CLNK: variants seen among roughly 807,000 people sequenced by gnomAD.
The protein encoded by CLNK is cytokine-dependent hematopoietic cell linker.
Under a neutral mutation model 68.6 loss-of-function variants are expected in CLNK, and 74 were observed. That is an observed-to-expected ratio of 1.08 (90% CI 0.89 to 1.31). The LOEUF is 1.31. Ranked by LOEUF, CLNK falls within the 50% of genes most tolerant of loss-of-function variation. The pLI is 0.00. For synonymous variants in CLNK, 198 were observed against 172.2 expected, an observed-to-expected ratio of 1.15 and a Z score of -1.17; for missense variants, 553 against 515.3, an observed-to-expected ratio of 1.07 and a Z score of -0.71.
the CLNK span, among the ~76,000 whole-genome samples, chr4:10,690,150 G>A: frequency 6.6e-6 from 1 of 152,194 alleles, no homozygotes; most frequent in Non-Finnish European, 1.5e-5. Flanking sequence ...AATAAACACG[G>A]TTGGCATTCA....
intron 2 of CLNK, among the ~76,000 whole-genome samples, chr4:10,642,234 C>T (rs1260108549): frequency 1.3e-5 from 2 of 152,208 alleles, no homozygotes; most frequent in East Asian, 3.8e-4. Context: ...CTTACTTCAT[C>T]TCCAGTTCCA....
rs1716467232 is a variant in CLNK at position 10,489,338 on chromosome 4, A to T, written c.*1129T>A. The T allele has an allele frequency of 6.6e-6, 1 of 152,212 alleles. No homozygotes were observed. The highest frequency in any genetic ancestry group is 1.5e-5 in the Non-Finnish European group (1 of 68,036). 9.4% of individuals were successfully genotyped at this position (152,212 alleles called of 1,614,324 possible). ...CAAGAATTAGCACTAATTTGAGGAC[A>T]GTTTTTCTCTGTCTTTGAATGGAAG... On this transcript the variant is annotated 3_prime_UTR_variant, in exon 19 of 19. Coordinates refer to ENST00000226951, the MANE Select transcript of CLNK (RefSeq NM_052964.4).
At chr4:10,526,623 C>T (rs148387402) in intron 13 of CLNK, among the ~76,000 whole-genome samples, 82 of 152,258 alleles carry the variant, frequency 5.4e-4, no homozygotes, top group East Asian at 3.9e-3. Context: ...TGTATTCTCA[C>T]GCCCTCTTGT....
At chr4:10,538,055 G>T (rs1313919553) in intron 11 of CLNK, among the ~76,000 whole-genome samples, 2 of 152,024 alleles carry the variant, frequency 1.3e-5, no homozygotes, top group Admixed American at 6.5e-5. Context: ...GAAACAGAAA[G>T]AAGATAAAAT....
At chr4:10,531,778 G>A in intron 12 of CLNK, 1 of 457,032 alleles carries the variant, frequency 2.2e-6, no homozygotes, top group Non-Finnish European at 4.4e-6. Context: ...CAGAAACTGG[G>A]ATGAGTAAGA....
chr4:10,626,433 T>A (rs1371213600), intron 2 of CLNK, among the ~76,000 whole-genome samples: 2 of 152,218 alleles, frequency 1.3e-5, no homozygotes, highest in Non-Finnish European at 2.9e-5. Flanking sequence ...ATTCTTTCTT[T>A]CCTGTAAGAC....
At position 10,490,394 on chromosome 4, in the gene CLNK, A is replaced by G; in HGVS notation, c.*73T>C. 1 of 1,516,776 alleles carries G rather than the reference A, an allele frequency of 6.6e-7. No homozygotes were observed. The highest frequency in any genetic ancestry group is 8.9e-7 in the Non-Finnish European group (1 of 1,125,406). 94.0% of individuals were successfully genotyped at this position (1,516,776 alleles called of 1,614,324 possible). A position where few individuals can be genotyped will look rare whatever the true frequency, so the allele number is the denominator to read the frequency against. ...AAAGTTGTCCCTTGAAGGCACAGAA[A>G]ATAAACTTTTGAAATCAATGAAAAC... On this transcript the variant is annotated 3_prime_UTR_variant, in exon 19 of 19. Transcript: ENST00000226951.
At chr4:10,673,127 G>A (rs1034369258) in intron 1 of CLNK, among the ~76,000 whole-genome samples, 1 of 152,198 alleles carries the variant, frequency 6.6e-6, no homozygotes, top group East Asian at 1.9e-4. Flanking sequence ...CAGTGAAGAA[G>A]TAAAGTCCAG....
At chr4:10,523,964 G>A (rs1190768126) in intron 14 of CLNK, 3 of 386,014 alleles carry the variant, frequency 7.8e-6, no homozygotes, top group South Asian at 1.9e-5. Flanking sequence ...GGTCAAGGCT[G>A]CATTGAGATG....
chr4:10,574,883 A>G lies in CLNK; in HGVS notation c.113-3105T>C, dbSNP rs145979231. ...TGGTGCATGCAACCCCCAGTCATGT[A>G]CCCCCTGCTTGCTCAGTCAATCACG... is the stretch of plus-strand genomic sequence containing the variant. On this transcript the variant is annotated intron_variant, in intron 4 of 18. Coordinates refer to ENST00000226951, the MANE Select transcript of CLNK (RefSeq NM_052964.4). Among the ~76,000 whole-genome samples, 130 of 151,758 alleles carry G rather than the reference A, an allele frequency of 8.6e-4. 4 individuals are homozygous for G. The East Asian group carries it at 0.024, about 28-fold the overall frequency.
chr4:10,695,323 G>A, the CLNK span, among the ~76,000 whole-genome samples: 3 of 152,124 alleles, frequency 2.0e-5, no homozygotes, highest in East Asian at 5.8e-4. Context: ...ATTTAATTGA[G>A]AATTATTATT....
rs1319815732 is a variant in CLNK at position 10,490,479 on chromosome 4, G to A, written c.1275C>T (p.Leu425=). ...CACAAAGACCAGGCTACAGAGGCAA[G>A]AGGTGTCTGGTGAGAGGGAGTGGCT... ...LTQPLPLTRH[L]LPL The change falls in exon 19 of 19, where the codon CTC becomes CTT. Residue 425 remains leucine (L), a synonymous_variant. Coordinates refer to ENST00000226951, the MANE Select transcript of CLNK (RefSeq NM_052964.4). 1.2e-6 allele frequency: 2 copies of A among 1,613,542 alleles called. No individual in the cohort carries two copies. Among genetic ancestry groups the A allele is most frequent in the Non-Finnish European group, 1.7e-6 (2 of 1,179,742 alleles).
intron 2 of CLNK, among the ~76,000 whole-genome samples, chr4:10,634,917 T>C (rs1040219456): frequency 1.3e-5 from 2 of 152,122 alleles, no homozygotes; most frequent in Non-Finnish European, 2.9e-5. Context: ...AAAAGGCCTC[T>C]CCCCCTTGCA....
At chr4:10,501,947 A>C (rs1717071841) in intron 17 of CLNK, among the ~76,000 whole-genome samples, 1 of 152,222 alleles carries the variant, frequency 6.6e-6, no homozygotes, top group South Asian at 2.1e-4. Context: ...ACAAAAAGAA[A>C]AAAGAAAATC....
At chr4:10,578,146 A>G (rs1686983577) in intron 4 of CLNK, among the ~76,000 whole-genome samples, 1 of 152,156 alleles carries the variant, frequency 6.6e-6, no homozygotes, top group African/African-American at 2.4e-5. Flanking sequence ...CCAGAGGATA[A>G]CTTCTTGGCT....
intron 1 of CLNK, among the ~76,000 whole-genome samples, chr4:10,682,269 T>A (rs565361335): frequency 1.2e-4 from 19 of 152,160 alleles, no homozygotes; most frequent in Non-Finnish European, 2.5e-4. Flanking sequence ...CAGGTATTTA[T>A]CTCTCTGGTT....
chr4:10,723,701 A>T, the CLNK span, among the ~76,000 whole-genome samples: 1,820 of 152,180 alleles, frequency 0.012, 28 homozygotes, highest in African/African-American at 0.034. Context: ...AGTAATAATC[A>T]TGCCTACCCC....
chr4:10,726,717 C>G, the CLNK span, among the ~76,000 whole-genome samples: 1 of 152,026 alleles, frequency 6.6e-6, no homozygotes, highest in Non-Finnish European at 1.5e-5. Context: ...GAACTGAAGC[C>G]CAGAGGTTTT....
chr4:10,588,898 A>G (rs756675481), intron 3 of CLNK, among the ~76,000 whole-genome samples: 60 of 152,160 alleles, frequency 3.9e-4, no homozygotes, highest in Non-Finnish European at 7.4e-4. Context: ...AGTCAAACCT[A>G]TAGAGTGGAA....
Sources: allele counts gnomAD v4.1 joint callset (sites outside exome capture counted in the v4.1 genomes callset), GRCh38; gene constraint gnomAD v4.1.1; transcripts MANE v1.5; gene names NCBI Gene and HGNC (gene_info 2026-07-23, HGNC 2026-07-21).